The following CYP19A1 variants were observed in gnomAD, a reference collection of about 807,000 sequenced individuals.
CYP19A1 encodes cytochrome P450 family 19 subfamily A member 1.
A neutral mutation model predicts 44.4 loss-of-function variants in CYP19A1; 32 were observed. The ratio of observed to expected loss-of-function variants is 0.72; its 90% CI spans 0.54 to 0.97. The LOEUF is 0.97. Ranked by LOEUF, CYP19A1 falls within the 50% of genes least tolerant of loss-of-function variation. The pLI is 0.00. For missense variants in CYP19A1, 598 were observed against 637.8 expected (o/e 0.94, Z 0.67); for synonymous variants, 212 against 215.6 (o/e 0.98, Z 0.14).
At chr15:51,236,415 A>G (rs1000848572) in intron 3 of CYP19A1, among the ~76,000 whole-genome samples, 1 of 152,064 alleles carries the variant, frequency 6.6e-6, no homozygotes, top group African/African-American at 2.4e-5. Context: ...TGTCACCCAG[A>G]CTATAGTGCA....
At chr15:51,280,207 T>C (rs552541344) in intron 1 of CYP19A1, among the ~76,000 whole-genome samples, 1 of 149,296 alleles carries the variant, frequency 6.7e-6, no homozygotes, top group Non-Finnish European at 1.5e-5. Context: ...CTGCAACCTC[T>C]GCCTCCGCCT....
intron 3 of CYP19A1, among the ~76,000 whole-genome samples, chr15:51,235,888 G>A (rs1444923058): frequency 3.3e-5 from 5 of 152,314 alleles, no homozygotes; most frequent in Middle Eastern, 3.4e-3. Flanking sequence ...ATAAACATGC[G>A]TTAATGAGAC....
chr15:51,231,565 A>G (rs2033034460), intron 3 of CYP19A1, among the ~76,000 whole-genome samples: 1 of 151,974 alleles, frequency 6.6e-6, no homozygotes, highest in Non-Finnish European at 1.5e-5. Context: ...CTCTTAGCTT[A>G]TTCTGTGCTT....
chr15:51,330,407 A>G (rs1333199278), intron 1 of CYP19A1, among the ~76,000 whole-genome samples: 1 of 152,210 alleles, frequency 6.6e-6, no homozygotes, highest in Admixed American at 6.5e-5. Context: ...ATACACATAC[A>G]CCTGTAAACA....
At chr15:51,308,047 G>C (rs2036245783) in intron 1 of CYP19A1, among the ~76,000 whole-genome samples, 1 of 152,232 alleles carries the variant, frequency 6.6e-6, no homozygotes, top group African/African-American at 2.4e-5. Flanking sequence ...AAGAGGGCAT[G>C]AGGAGGTGGG....
At chr15:51,245,361 T>G (rs1356748922) in intron 1 of CYP19A1, among the ~76,000 whole-genome samples, 1 of 152,208 alleles carries the variant, frequency 6.6e-6, no homozygotes, top group Non-Finnish European at 1.5e-5. Context: ...ATTATTATAC[T>G]TTAAGTTTTA....
intron 1 of CYP19A1, among the ~76,000 whole-genome samples, chr15:51,291,097 G>T (rs1375157828): frequency 1.3e-5 from 2 of 152,172 alleles, no homozygotes; most frequent in East Asian, 1.9e-4. Context: ...CCTAAGTTTG[G>T]CAGAAAACTA....
At chr15:51,294,893 G>A (rs1458919741) in intron 1 of CYP19A1, among the ~76,000 whole-genome samples, 1 of 152,022 alleles carries the variant, frequency 6.6e-6, no homozygotes, top group Non-Finnish European at 1.5e-5. Flanking sequence ...GGGAAAGGTG[G>A]GGAAAAGATT....
chr15:51,231,438 A>G (rs1214398267), intron 3 of CYP19A1, among the ~76,000 whole-genome samples: 1 of 152,088 alleles, frequency 6.6e-6, no homozygotes, highest in Non-Finnish European at 1.5e-5. Context: ...GAAAGTTGGG[A>G]AAAAATTACT....
chr15:51,210,432 C>G lies in CYP19A1; in HGVS notation c.*376G>C, dbSNP rs969940371. 15 of 516,836 alleles carry G rather than the reference C, an allele frequency of 2.9e-5. No homozygotes were observed. Among genetic ancestry groups the G allele is most frequent in the Non-Finnish European group, 5.3e-5 (14 of 265,300 alleles). 32.0% of individuals were successfully genotyped at this position (516,836 alleles called of 1,614,324 possible). The stretch of plus-strand genomic sequence containing the variant: ...TCTAATCAACTTGAGTGTTTCTGCC[C>G]CAGACATAAAAATCCCCTTGGGTTG... On this transcript the variant is annotated 3_prime_UTR_variant, in exon 10 of 10. Coordinates refer to ENST00000396402, the MANE Select transcript of CYP19A1 (RefSeq NM_000103.4).
chr15:51,267,799 T>C (rs976179886), intron 1 of CYP19A1, among the ~76,000 whole-genome samples: 5 of 152,214 alleles, frequency 3.3e-5, no homozygotes, highest in Admixed American at 2.0e-4. Context: ...CTATGGCGGA[T>C]TGCCATTGAA....
intron 3 of CYP19A1, among the ~76,000 whole-genome samples, chr15:51,234,134 A>G (rs2033226548): frequency 6.6e-6 from 1 of 152,186 alleles, no homozygotes; most frequent in Non-Finnish European, 1.5e-5. Context: ...CTGAGGTCCA[A>G]TGGGGTCTTT....
chr15:51,262,439 ACT>A (rs2034763497), intron 1 of CYP19A1, among the ~76,000 whole-genome samples: 2 of 152,054 alleles, frequency 1.3e-5, no homozygotes, highest in South Asian at 2.1e-4. Flanking sequence ...TGGTCTCAGC[ACT>A]CTCTATTCTC....
At chr15:51,327,919 A>C (rs1023128906) in intron 1 of CYP19A1, among the ~76,000 whole-genome samples, 1 of 152,234 alleles carries the variant, frequency 6.6e-6, no homozygotes, top group Non-Finnish European at 1.5e-5. Flanking sequence ...GGTTATAATC[A>C]AGAAAGAAAG....
rs2033606607 is a variant in CYP19A1 at position 51,239,380 on chromosome 15, T to G, written c.146-2371A>C. 2.6e-5 allele frequency among the ~76,000 whole-genome samples: 4 copies of G among 152,160 alleles called. No individual in the cohort carries two copies. The South Asian group carries it at 8.3e-4, about 32-fold the overall frequency. On this transcript the variant is annotated intron_variant, in intron 2 of 9. Transcript: ENST00000396402. ...AGCCCTGTTCACAATAGCCCCAAAC[T>G]AAAGACACCTCAAGTGTCCCTCAAC...
intron 1 of CYP19A1, among the ~76,000 whole-genome samples, chr15:51,287,227 G>T (rs2035724944): frequency 6.6e-6 from 1 of 152,194 alleles, no homozygotes; most frequent in South Asian, 2.1e-4. Context: ...CCCTGGACAA[G>T]CCCAGTCAAA....
intron 1 of CYP19A1, among the ~76,000 whole-genome samples, chr15:51,261,460 C>A (rs2034719133): frequency 6.6e-6 from 1 of 152,148 alleles, no homozygotes; most frequent in Non-Finnish European, 1.5e-5. Flanking sequence ...ACACGACCTA[C>A]CAAAACTTCA....
At chr15:51,334,519 T>C (rs1473781951) in intron 1 of CYP19A1, among the ~76,000 whole-genome samples, 1 of 152,252 alleles carries the variant, frequency 6.6e-6, no homozygotes, top group East Asian at 1.9e-4. Context: ...CTTACTTCTG[T>C]GGATTTTGCA....
chr15:51,282,909 G>A (rs1157638473), intron 1 of CYP19A1, among the ~76,000 whole-genome samples: 1 of 152,196 alleles, frequency 6.6e-6, no homozygotes. Context: ...GAGTGGGGGT[G>A]AAAGTTAGTA....
Sources: allele counts gnomAD v4.1 joint callset (sites outside exome capture counted in the v4.1 genomes callset), GRCh38; gene constraint gnomAD v4.1.1; transcripts MANE v1.5; gene names NCBI Gene and HGNC (gene_info 2026-07-23, HGNC 2026-07-21).